The following FCHO1 variants were observed in gnomAD, a reference collection of about 807,000 sequenced individuals.
FCHO1 encodes F-BAR domain only protein 1.
FCHO1 carries 45 observed loss-of-function variants against 114.4 expected under a neutral mutation model. The ratio of observed to expected loss-of-function variants is 0.39; its 90% CI spans 0.31 to 0.50. The LOEUF (loss-of-function observed/expected upper bound fraction) is 0.50. Ranked by LOEUF, FCHO1 falls within the 20% of genes least tolerant of loss-of-function variation. The probability of loss-of-function intolerance (pLI) is 0.77; values close to 1 mark genes in which losing one functional copy is unlikely to be tolerated. For synonymous variants in FCHO1, 480 were observed against 488.9 expected, an observed-to-expected ratio of 0.98 and a Z score of 0.24; for missense variants, 1,042 against 1,209.6, an observed-to-expected ratio of 0.86 and a Z score of 2.06.
At chr19:17,782,995 C>T in intron 23 of FCHO1, 22 bp from the exon 24 acceptor site, 1 of 1,612,182 alleles carries the variant, frequency 6.2e-7, no homozygotes, top group South Asian at 1.1e-5. Context: ...AAGCCAACAC[C>T]CAGTCCCCTC....
intron 9 of FCHO1, among the ~76,000 whole-genome samples, chr19:17,771,906 G>C (rs946682203): frequency 1.3e-5 from 2 of 151,900 alleles, no homozygotes. Flanking sequence ...TCCGCCTCCT[G>C]GGCTCAAGTG....
chr19:17,784,010 G>A lies in FCHO1; in HGVS notation c.2094-93G>A. On this transcript the variant is annotated intron_variant, in intron 24 of 28. Transcript: ENST00000596536. This position sits in a 1 kb window ranked among gnomAD's most constrained non-coding sequence, Gnocchi z 5.3. ...CTTTGCTGGGCCCAGGGTGGGCCAG[G>A]AAATTGCATCTTTAGGAAGGGGTAG... 6.7e-7 allele frequency: 1 copy of A among 1,486,302 alleles called. No homozygotes were observed. The highest frequency in any genetic ancestry group is 9.1e-7 in the Non-Finnish European group (1 of 1,092,988). 92.1% of individuals were successfully genotyped at this position (1,486,302 alleles called of 1,614,324 possible). A position where few individuals can be genotyped will look rare whatever the true frequency, so the allele number is the denominator to read the frequency against.
intron 11 of FCHO1, among the ~76,000 whole-genome samples, chr19:17,773,121 G>C (rs1269620220): frequency 6.6e-6 from 1 of 152,242 alleles, no homozygotes; most frequent in Non-Finnish European, 1.5e-5. Flanking sequence ...AGCCATTGAG[G>C]GTTGTTGAGC....
In FCHO1 at chr19:17,788,458, C is replaced by T. The variant is rs1052211; in HGVS notation, c.*152C>T. The T allele has an allele frequency of 0.13, 76,934 of 606,820 alleles. 5,631 individuals are homozygous for T. The highest frequency in any genetic ancestry group is 0.15 in the Non-Finnish European group (50,602 of 338,788). 37.6% of individuals were successfully genotyped at this position (606,820 alleles called of 1,614,324 possible). A position where few individuals can be genotyped will look rare whatever the true frequency, so the allele number is the denominator to read the frequency against. ...GCCCCATGCCCAGCCTGGCTGAGCCCGAGATTCGCTCCTCCCCCTCATGCC... is the reference window on the plus strand; with the variant it reads ...GCCCCATGCCCAGCCTGGCTGAGCCTGAGATTCGCTCCTCCCCCTCATGCC... On this transcript the variant is annotated 3_prime_UTR_variant, in exon 29 of 29. Coordinates refer to ENST00000596536, the MANE Select transcript of FCHO1 (RefSeq NM_015122.3).
upstream of FCHO1, chr19:17,747,837 C>T (rs962796819): frequency 6.6e-6 from 1 of 152,200 alleles, no homozygotes; most frequent in African/African-American, 2.4e-5. Flanking sequence ...CCCCGGAACC[C>T]CCTGGGATAC....
At chr19:17,772,263 C>T (rs2091798932) in intron 9 of FCHO1, among the ~76,000 whole-genome samples, 194 bp from the exon 10 acceptor site, 1 of 152,170 alleles carries the variant, frequency 6.6e-6, no homozygotes, top group African/African-American at 2.4e-5. Context: ...ATCCCATCAG[C>T]ACATTGGCTC....
chr19:17,773,887 TTCTC>T (rs781112035), intron 11 of FCHO1, among the ~76,000 whole-genome samples: 2 of 130,668 alleles, frequency 1.5e-5, no homozygotes, highest in African/African-American at 5.8e-5. Context: ...TTTAGTTTCT[TTCTC>T]TCTCTCTCTC....
chr19:17,778,584 C>T, intron 19 of FCHO1, 25 bp from the exon 20 acceptor site: 1 of 1,511,552 alleles, frequency 6.6e-7, no homozygotes. Context: ...AGGGTCGGAG[C>T]TGACCGCCCG....
chr19:17,759,189 A>T (rs1274888659), intron 4 of FCHO1, among the ~76,000 whole-genome samples: 2 of 148,068 alleles, frequency 1.4e-5, no homozygotes, highest in Non-Finnish European at 3.0e-5. Flanking sequence ...ATTTGGTGCT[A>T]AAATGTCCCC....
chr19:17,755,220 A>C (rs755312473), intron 4 of FCHO1, 29 bp downstream of exon 4: 1 of 1,593,062 alleles, frequency 6.3e-7, no homozygotes, highest in Non-Finnish European at 8.6e-7. Context: ...TAGGCGGGGG[A>C]TGCTGGCAGG....
At chr19:17,750,777 G>A (rs1447590647), upstream of FCHO1, among the ~76,000 whole-genome samples, 7 of 151,058 alleles carry the variant, frequency 4.6e-5, no homozygotes, top group Non-Finnish European at 1.0e-4. Context: ...AATTTCTTTT[G>A]TAGTGAAGGA....
Position 17,776,542 on chromosome 19 carries a change from T to A in FCHO1, c.1208-93T>A, listed in dbSNP as rs2092655455. On this transcript the variant is annotated intron_variant, in intron 17 of 28. Coordinates refer to ENST00000596536, the MANE Select transcript of FCHO1 (RefSeq NM_015122.3). The surrounding 1 kb of genome is among the most constrained non-coding windows in gnomAD (Gnocchi z 4.4). ...TTGCTGATCACCTTGGGCAACTGGC[T>A]GGACACCCCCGAGCCTCGGTCCCTT... 2 of 1,439,696 alleles carry A rather than the reference T, an allele frequency of 1.4e-6. No homozygotes were observed. Among genetic ancestry groups the A allele is most frequent in the Non-Finnish European group, 2.0e-6 (2 of 1,024,330 alleles). 89.2% of individuals were successfully genotyped at this position (1,439,696 alleles called of 1,614,324 possible). A position where few individuals can be genotyped will look rare whatever the true frequency, so the allele number is the denominator to read the frequency against.
Position 17,774,447 on chromosome 19 carries a change from C to A in FCHO1, c.889C>A (p.Arg297=), listed in dbSNP as rs767803812. The change falls in exon 13 of 29, where the codon CGG becomes AGG. Residue 297 remains arginine (R), a synonymous_variant. Coordinates refer to ENST00000596536, the MANE Select transcript of FCHO1 (RefSeq NM_015122.3). ...KAFRLPGLSR[R]EREPEPPAAV... ...CTTTCGCCTTCCAGGACTAAGCCGG[C>A]GGGAGCGGGAGCCAGAGCCACCTGC... The A allele has an allele frequency of 6.2e-7, 1 of 1,613,412 alleles. No individual in the cohort carries two copies. The highest frequency in any genetic ancestry group is 1.1e-5 in the South Asian group (1 of 91,066).
chr19:17,747,882 C>T (rs1332364814), upstream of FCHO1: 1 of 152,324 alleles, frequency 6.6e-6, no homozygotes, highest in Admixed American at 6.5e-5. Flanking sequence ...GCACCGTGCC[C>T]TGCAGCCCCG....
chr19:17,771,158 C>T (rs988131824), intron 9 of FCHO1, among the ~76,000 whole-genome samples: 24 of 151,860 alleles, frequency 1.6e-4, no homozygotes, highest in East Asian at 1.9e-4. Flanking sequence ...GAGGCTGAGG[C>T]GGGAGAATCA....
chr19:17,757,918 A>G (rs1299553519), intron 4 of FCHO1, among the ~76,000 whole-genome samples: 1 of 95,486 alleles, frequency 1.0e-5, no homozygotes, highest in East Asian at 2.0e-4. Flanking sequence ...CCTGTCTCAA[A>G]AAAAAAAAAA....
chr19:17,770,401 A>G lies in FCHO1; in HGVS notation c.337-24A>G, dbSNP rs758478070. The G allele has an allele frequency of 7.6e-6, 12 of 1,589,250 alleles. No homozygotes were observed. In the East Asian group the frequency reaches 2.5e-4, roughly 33 times the overall value. Reference sequence around the variant, plus strand: ...AGGTCAGGAATTTCACAGTCTACCCATGAAATCCCCTCCTACCCCGCAGTG... The same window carrying G: ...AGGTCAGGAATTTCACAGTCTACCCGTGAAATCCCCTCCTACCCCGCAGTG... On this transcript the variant is annotated intron_variant, in intron 7 of 28. Coordinates refer to ENST00000596536, the MANE Select transcript of FCHO1 (RefSeq NM_015122.3).
chr19:17,756,024 A>G lies in FCHO1; in HGVS notation c.27+833A>G, dbSNP rs144090500. 4.6e-3 allele frequency among the ~76,000 whole-genome samples: 703 copies of G among 152,316 alleles called. 10 individuals carry two copies. The highest frequency in any genetic ancestry group is 0.016 in the African/African-American group (685 of 41,574). On this transcript the variant is annotated intron_variant, in intron 4 of 28. Coordinates refer to ENST00000596536, the MANE Select transcript of FCHO1 (RefSeq NM_015122.3). The stretch of plus-strand genomic sequence containing the variant: ...AGGATGGGTGAACAGGGGAGGGCCC[A>G]GGAGTCAGGGAAGGACCAGGTCAGA...
rs2093687534 is a variant in FCHO1 at position 17,784,386 on chromosome 19, G to A, written c.2226+151G>A. On this transcript the variant is annotated intron_variant, in intron 25 of 28. Coordinates refer to ENST00000596536, the MANE Select transcript of FCHO1 (RefSeq NM_015122.3). This position sits in a 1 kb window ranked among gnomAD's most constrained non-coding sequence, Gnocchi z 5.3. ...TCTGTGAGAGCCGATGAGCTGGAGG[G>A]AGTAGGCAGTGTGGGTCGGGAATGA... is the stretch of plus-strand genomic sequence containing the variant. 7 of 1,013,694 alleles carry A rather than the reference G, an allele frequency of 6.9e-6. No homozygotes were observed. The highest frequency in any genetic ancestry group is 1.0e-5 in the Non-Finnish European group (7 of 700,132). The allele number at this position is 1,013,694 out of a possible 1,614,324, so 62.8% of individuals were successfully genotyped here. A position where few individuals can be genotyped will look rare whatever the true frequency, so the allele number is the denominator to read the frequency against.
Sources: gnomAD v4.1 joint callset for allele counts (sites outside exome capture counted in the v4.1 genomes callset) on GRCh38, gnomAD v4.1.1 for gene constraint, Gnocchi (gnomAD v3.1) non-coding constraint, MANE v1.5 for transcripts, NCBI Gene and HGNC (gene_info 2026-07-23, HGNC 2026-07-21) for gene names.